Variants in DGKD observed in about 807,000 individuals in gnomAD.
DGKD encodes the protein diacylglycerol kinase delta.
In DGKD, 68 loss-of-function variants were observed where a neutral mutation model predicts 154.4. The observed-to-expected ratio is 0.44, with a 90% CI of 0.36 to 0.54. The LOEUF is 0.54. DGKD is among the 20% of genes least tolerant of loss of function. The pLI is 0.00. For synonymous variants in DGKD, 693 were observed against 638.0 expected (o/e 1.09, Z -1.30); for missense variants, 1,343 against 1,593.6 (o/e 0.84, Z 2.68).
At chr2:233,423,673 G>T (rs2062194229) in intron 3 of DGKD, among the ~76,000 whole-genome samples, 1 of 152,134 alleles carries the variant, frequency 6.6e-6, no homozygotes, top group Non-Finnish European at 1.5e-5. Context: ...TGGGAGTGGG[G>T]TGGGCATGGT....
intron 1 of DGKD, among the ~76,000 whole-genome samples, chr2:233,377,767 C>T (rs1446829297): frequency 1.3e-5 from 2 of 152,016 alleles, no homozygotes; most frequent in Non-Finnish European, 2.9e-5. Flanking sequence ...GTGCCTGTCT[C>T]CCCGTTGCCA....
At chr2:233,448,974 G>C in intron 14 of DGKD, 129 bp from the exon 15 acceptor site, 1 of 1,184,388 alleles carries the variant, frequency 8.4e-7, no homozygotes, top group South Asian at 1.5e-5. Flanking sequence ...TTGTTACTTA[G>C]GCGTGGAGAG....
intron 29 of DGKD, 51 bp from the exon 30 acceptor site, chr2:233,469,320 C>T (rs1158931011): frequency 2.6e-6 from 4 of 1,527,404 alleles, no homozygotes; most frequent in Admixed American, 1.9e-5. Flanking sequence ...GTGGAGCCCT[C>T]TGGCCCTGGC....
At chr2:233,464,040 C>CT in intron 26 of DGKD, 124 bp from the exon 27 acceptor site, 2 of 1,369,648 alleles carry the variant, frequency 1.5e-6, no homozygotes, top group East Asian at 5.0e-5. Flanking sequence ...GACTTCGTTT[C>CT]TGGAAAGTGA....
At chr2:233,434,966 G>A in intron 5 of DGKD, 65 bp downstream of exon 5, 1 of 1,557,910 alleles carries the variant, frequency 6.4e-7, no homozygotes, top group Non-Finnish European at 8.7e-7. Flanking sequence ...ATAAAGCCTT[G>A]GAAATCCAAA....
In DGKD at chr2:233,448,080, A is replaced by T; in HGVS notation, c.1420-7A>T. 1 of 1,613,920 alleles carries T rather than the reference A, an allele frequency of 6.2e-7. No homozygotes were observed. The highest frequency in any genetic ancestry group is 8.5e-7 in the Non-Finnish European group (1 of 1,179,984). On this transcript the variant is annotated splice_polypyrimidine_tract_variant and splice_region_variant and intron_variant, in intron 12 of 29. Transcript: ENST00000264057. ...CCAACAGTCCTGGCCATTTGGGGTG[A>T]TTGCAGGTACAGCAGATTCTCTTCT...
chr2:233,380,654 C>T (rs1702845368), intron 1 of DGKD, among the ~76,000 whole-genome samples: 2 of 152,036 alleles, frequency 1.3e-5, no homozygotes, highest in South Asian at 4.2e-4. Context: ...GTCCTGTGAG[C>T]AGTGAGGATG....
Position 233,412,642 on chromosome 2 carries a change from A to C in DGKD, c.349-21738A>C, listed in dbSNP as rs187129054. Reference sequence around the variant, plus strand: ...TTCCAGTACAGTGTTGAATAGGAGTAGCGAAGGCAGGAATCCTTCCACCTT... The same window carrying C: ...TTCCAGTACAGTGTTGAATAGGAGTCGCGAAGGCAGGAATCCTTCCACCTT... On this transcript the variant is annotated intron_variant, in intron 3 of 29. Coordinates refer to ENST00000264057, the MANE Select transcript of DGKD (RefSeq NM_152879.3). Among the ~76,000 whole-genome samples the C allele has an allele frequency of 1.5e-3, 229 of 152,364 alleles. 1 individual carries two copies. Among genetic ancestry groups the C allele is most frequent in the South Asian group, 4.6e-3 (22 of 4,834 alleles).
At chr2:233,451,409 G>A (rs942363532) in intron 17 of DGKD, among the ~76,000 whole-genome samples, 2 of 152,070 alleles carry the variant, frequency 1.3e-5, no homozygotes, top group African/African-American at 2.4e-5. Flanking sequence ...TAGCGTGGTC[G>A]CAGGAGGCGC....
chr2:233,442,132 C>A, intron 10 of DGKD, 137 bp downstream of exon 10: 1 of 863,756 alleles, frequency 1.2e-6, no homozygotes, highest in Non-Finnish European at 1.9e-6. Context: ...GGGGAGTGTG[C>A]AGTTTGGTGG....
At chr2:233,421,536 C>T (rs2062112673) in intron 3 of DGKD, among the ~76,000 whole-genome samples, 1 of 152,242 alleles carries the variant, frequency 6.6e-6, no homozygotes, top group African/African-American at 2.4e-5. Context: ...CTGCATGGCC[C>T]TCTGTGGTCC....
intron 3 of DGKD, among the ~76,000 whole-genome samples, chr2:233,394,465 A>G (rs1358470390): frequency 3.3e-5 from 5 of 151,808 alleles, no homozygotes; most frequent in African/African-American, 1.2e-4. Context: ...GCTGGTCTCA[A>G]ACTCCTGGCA....
Position 233,354,585 on chromosome 2 carries a change from G to T in DGKD, c.67G>T (p.Glu23Ter). The T allele has an allele frequency of 9.0e-7, 1 of 1,105,264 alleles. No homozygotes were observed. The highest frequency in any genetic ancestry group is 1.1e-6 in the Non-Finnish European group (1 of 891,932). The allele number at this position is 1,105,264 out of a possible 1,614,324, so 68.5% of individuals were successfully genotyped here. The change falls in exon 1 of 30, where the codon GAG becomes TAG. Residue 23 changes from glutamate to a stop codon, truncating the protein, a stop_gained. Transcript: ENST00000264057. LOFTEE classifies it high-confidence loss of function. This position sits in a 1 kb window ranked among gnomAD's most constrained non-coding sequence, Gnocchi z 4.8. ...ACCGCCTCCGCCGCCGCCGCCCGAGGAGTCGTCCGACAGCGAGCCCGAGGC... is the reference window on the plus strand; with the variant it reads ...ACCGCCTCCGCCGCCGCCGCCCGAGTAGTCGTCCGACAGCGAGCCCGAGGC... ...PQPPPPPPPE[E>*]SSDSEPEAEP...
Position 233,469,426 on chromosome 2 carries a change from A to C in DGKD, c.3611A>C (p.Glu1204Ala). ...AAGAGGATCCTGTGTGGCATCAAGGAGCTGAGCCGCAGCGCCCCCGCCGTC... is the reference window on the plus strand; with the variant it reads ...AAGAGGATCCTGTGTGGCATCAAGGCGCTGAGCCGCAGCGCCCCCGCCGTC... ...HMKRILCGIK[E>A]LSRSAPAVEA is the part of the protein sequence containing the mutation. The change falls in exon 30 of 30, where the codon GAG becomes GCG. Residue 1204 changes from glutamate to alanine, a missense_variant. By Grantham distance (107) the Glu-to-Ala change is moderately radical (BLOSUM62 -1). This residue lies in a region of DGKD where 429 missense variants were observed against 496.3 expected (regional missense o/e 0.86). Coordinates refer to ENST00000264057, the MANE Select transcript of DGKD (RefSeq NM_152879.3). 3 of 1,608,650 alleles carry C rather than the reference A, an allele frequency of 1.9e-6. No homozygotes were observed. The highest frequency in any genetic ancestry group is 2.5e-6 in the Non-Finnish European group (3 of 1,178,198).
chr2:233,449,177 G>C lies in DGKD; in HGVS notation c.1689G>C (p.Leu563=). Residue 563 remains leucine, a synonymous_variant, in exon 15 of 30, where the codon CTG becomes CTC. Coordinates refer to ENST00000264057, the MANE Select transcript of DGKD (RefSeq NM_152879.3). This position sits in a 1 kb window ranked among gnomAD's most constrained non-coding sequence, Gnocchi z 5.3. ...ATGAGTCCCAGGCCTCGTCCTCTCT[G>C]CCCAACCCGCCCCCCACCATTGCCG... The part of the protein sequence containing the change: ...LDDESQASSS[L]PNPPPTIAEE... 1.9e-6 allele frequency: 3 copies of C among 1,613,418 alleles called. No individual in the cohort carries two copies. The highest frequency in any genetic ancestry group is 1.3e-5 in the African/African-American group (1 of 75,026).
At chr2:233,461,844 C>T (rs1375564241) in intron 24 of DGKD, among the ~76,000 whole-genome samples, 1 of 152,264 alleles carries the variant, frequency 6.6e-6, no homozygotes, top group Non-Finnish European at 1.5e-5. Flanking sequence ...TCCCTGGGAC[C>T]TGGTGTGACT....
intron 26 of DGKD, chr2:233,463,865 A>G: frequency 2.6e-6 from 1 of 386,728 alleles, no homozygotes; most frequent in South Asian, 3.4e-5. Flanking sequence ...ACTGCTTGAC[A>G]CAGGTGAATG....
intron 16 of DGKD, among the ~76,000 whole-genome samples, 192 bp downstream of exon 16, chr2:233,450,323 C>T (rs972932377): frequency 6.6e-6 from 1 of 152,158 alleles, no homozygotes; most frequent in African/African-American, 2.4e-5. Context: ...TGTGTGCGGT[C>T]TGTCTTGGTG....
chr2:233,375,553 G>T (rs1379642411), intron 1 of DGKD, among the ~76,000 whole-genome samples: 2 of 152,242 alleles, frequency 1.3e-5, no homozygotes, highest in East Asian at 1.9e-4. Context: ...CAGCACTGCC[G>T]CATTGTTCTC....
Sources: allele counts gnomAD v4.1 joint callset (sites outside exome capture counted in the v4.1 genomes callset), GRCh38; gene constraint gnomAD v4.1.1; regional missense constraint gnomAD v4.1.1; non-coding constraint Gnocchi (gnomAD v3.1); transcripts MANE v1.5; gene names NCBI Gene and HGNC (gene_info 2026-07-23, HGNC 2026-07-21).